CSMD3: variants seen among roughly 807,000 people sequenced by gnomAD.
CSMD3 encodes CUB and sushi domain-containing protein 3.
Under a neutral mutation model 435.2 loss-of-function variants are expected in CSMD3, and 177 were observed. The observed-to-expected ratio is 0.41, with a 90% CI of 0.36 to 0.46. The LOEUF is 0.46. Among genes scored for constraint, CSMD3 ranks in the 20% least tolerant of loss-of-function variants. The pLI is 0.34. For missense variants in CSMD3, 4,265 were observed against 4,504.6 expected, an observed-to-expected ratio of 0.95 and a Z score of 1.52; for synonymous variants, 1,656 against 1,520.5, an observed-to-expected ratio of 1.09 and a Z score of -2.07.
chr8:113,094,401 G>C (rs1381679143), intron 5 of CSMD3, among the ~76,000 whole-genome samples: 2 of 151,954 alleles, frequency 1.3e-5, no homozygotes, highest in Non-Finnish European at 2.9e-5. Flanking sequence ...ATTTTCAAAG[G>C]GAAGATTTCT....
intron 4 of CSMD3, among the ~76,000 whole-genome samples, chr8:113,124,718 G>A (rs1392823435): frequency 2.6e-5 from 4 of 151,908 alleles, no homozygotes; most frequent in African/African-American, 9.7e-5. Context: ...CACATGTTGT[G>A]GTAGTTGAAA....
rs985510957 is a variant in CSMD3 at position 112,292,613 on chromosome 8, C to T, written c.8712G>A (p.Gly2904=). 2.5e-6 allele frequency: 4 copies of T among 1,613,574 alleles called. No homozygotes were observed. The African/African-American group carries it at 4.0e-5, about 16-fold the overall frequency. The change falls in exon 55 of 71, where the codon GGG becomes GGA. Residue 2904 remains glycine, a synonymous_variant. Transcript: ENST00000297405. The stretch of plus-strand genomic sequence containing the variant: ...CCTTTGTTGGCCCTTGCATAAGATA[C>T]CCAATATTGCATGAGAATGTTACCA... The part of the protein sequence containing the change: ...NDVVTFSCNI[G]YLMQGPTKAQ...
At chr8:113,164,574 A>G (rs1002480296) in intron 4 of CSMD3, among the ~76,000 whole-genome samples, 1 of 152,012 alleles carries the variant, frequency 6.6e-6, no homozygotes, top group Admixed American at 6.6e-5. Context: ...GCCTAAGAAA[A>G]GTGGTTATAA....
intron 50 of CSMD3, among the ~76,000 whole-genome samples, chr8:112,309,568 T>C (rs988388174): frequency 3.3e-5 from 5 of 152,052 alleles, no homozygotes; most frequent in African/African-American, 1.2e-4. Context: ...CTGCTATTCA[T>C]TGGTCGAAGG....
intron 32 of CSMD3, among the ~76,000 whole-genome samples, chr8:112,416,467 A>AAT (rs1454422840): frequency 2.6e-5 from 4 of 152,224 alleles, no homozygotes; most frequent in Admixed American, 2.0e-4. Flanking sequence ...AGAATGGACC[A>AAT]ATACACTATT....
At chr8:112,462,143 C>T (rs1246332411) in intron 32 of CSMD3, among the ~76,000 whole-genome samples, 4 of 152,170 alleles carry the variant, frequency 2.6e-5, no homozygotes, top group Admixed American at 6.5e-5. Flanking sequence ...TCGCAGTAAC[C>T]GCTCAATCTT....
chr8:113,268,768 TA>T (rs1303967591), intron 3 of CSMD3, among the ~76,000 whole-genome samples: 2 of 152,068 alleles, frequency 1.3e-5, no homozygotes, highest in African/African-American at 4.8e-5. Context: ...TTTGAGATAT[TA>T]AGTAGAACTT....
chr8:112,831,670 C>T (rs993202588), intron 11 of CSMD3, among the ~76,000 whole-genome samples: 3 of 150,100 alleles, frequency 2.0e-5, no homozygotes, highest in East Asian at 4.0e-4. Flanking sequence ...GTTTTGGCAT[C>T]TTTTTTCCTC....
chr8:112,676,700 G>T (rs1468353848), intron 16 of CSMD3, among the ~76,000 whole-genome samples: 1 of 152,024 alleles, frequency 6.6e-6, no homozygotes, highest in East Asian at 1.9e-4. Flanking sequence ...TTATATTCAG[G>T]AACTGTTTCC....
intron 4 of CSMD3, among the ~76,000 whole-genome samples, chr8:113,118,884 T>A (rs2131627038): frequency 6.6e-6 from 1 of 152,256 alleles, no homozygotes; most frequent in South Asian, 2.1e-4. Flanking sequence ...GTCGCATAGA[T>A]TTCATTTCGC....
At chr8:112,609,333 C>T (rs1024345933) in intron 22 of CSMD3, among the ~76,000 whole-genome samples, 1 of 151,162 alleles carries the variant, frequency 6.6e-6, no homozygotes, top group East Asian at 1.9e-4. Flanking sequence ...CTCAAGCAAC[C>T]CTATTAGGTA....
At chr8:112,584,550 C>G (rs187339807) in intron 23 of CSMD3, among the ~76,000 whole-genome samples, 2 of 151,814 alleles carry the variant, frequency 1.3e-5, no homozygotes, top group African/African-American at 4.8e-5. Flanking sequence ...TAGATACACA[C>G]ATATATTATT....
At chr8:112,267,954 G>GT (rs1300649921) in intron 59 of CSMD3, among the ~76,000 whole-genome samples, 2 of 151,868 alleles carry the variant, frequency 1.3e-5, no homozygotes, top group Non-Finnish European at 2.9e-5. Context: ...AAGGCTTTTG[G>GT]TTTTTTCAGG....
chr8:113,062,075 C>A (rs1237804493), intron 5 of CSMD3, among the ~76,000 whole-genome samples: 1 of 151,758 alleles, frequency 6.6e-6, no homozygotes, highest in Non-Finnish European at 1.5e-5. Context: ...TTATTTTCTA[C>A]TTTTAATTAT....
chr8:113,339,883 C>T (rs1268790383), intron 1 of CSMD3, among the ~76,000 whole-genome samples: 3 of 151,986 alleles, frequency 2.0e-5, no homozygotes, highest in African/African-American at 4.8e-5. Flanking sequence ...TCAATGCTCA[C>T]ACCGTAAATT....
At chr8:112,953,257 A>G (rs1452730018) in intron 8 of CSMD3, among the ~76,000 whole-genome samples, 1 of 151,550 alleles carries the variant, frequency 6.6e-6, no homozygotes, top group Non-Finnish European at 1.5e-5. Flanking sequence ...TTATTTCATG[A>G]TGACCTGAAG....
At chr8:112,525,870 T>C (rs1348776680) in intron 27 of CSMD3, among the ~76,000 whole-genome samples, 1 of 143,214 alleles carries the variant, frequency 7.0e-6, no homozygotes, top group African/African-American at 2.5e-5. Flanking sequence ...ATAGTTTTTG[T>C]TTTTTATATA....
intron 13 of CSMD3, among the ~76,000 whole-genome samples, chr8:112,737,562 G>A (rs1361062411): frequency 6.6e-6 from 1 of 151,914 alleles, no homozygotes; most frequent in Non-Finnish European, 1.5e-5. Flanking sequence ...GCCCTGGACA[G>A]TTCCAGTTTA....
intron 32 of CSMD3, among the ~76,000 whole-genome samples, chr8:112,419,238 T>C (rs1469938474): frequency 3.3e-5 from 5 of 152,160 alleles, no homozygotes; most frequent in African/African-American, 1.2e-4. Flanking sequence ...TGATTTAGCA[T>C]TTTAAAATCT....
Sources: allele counts gnomAD v4.1 joint callset (sites outside exome capture counted in the v4.1 genomes callset), GRCh38; gene constraint gnomAD v4.1.1; transcripts MANE v1.5; gene names NCBI Gene and HGNC (gene_info 2026-07-23, HGNC 2026-07-21).